SCHIP1: variants seen among roughly 807,000 people sequenced by gnomAD.
SCHIP1 encodes schwannomin-interacting protein 1.
In SCHIP1, 8 loss-of-function variants were observed where a neutral mutation model predicts 29.7. The observed-to-expected ratio is 0.27, with a 90% CI of 0.16 to 0.49. The LOEUF (loss-of-function observed/expected upper bound fraction) is 0.49, where lower values mean the gene tolerates loss of function less well. Among genes scored for constraint, SCHIP1 ranks in the 20% least tolerant of loss-of-function variants. The probability of loss-of-function intolerance (pLI) is 0.99; values close to 1 mark genes in which losing one functional copy is unlikely to be tolerated. For synonymous variants in SCHIP1, 76 were observed against 94.9 expected (o/e 0.80, Z 1.16); for missense variants, 193 against 294.6 (o/e 0.66, Z 2.52).
chr3:159,693,647 T>G, the SCHIP1 span, among the ~76,000 whole-genome samples: 28 of 152,186 alleles, frequency 1.8e-4, no homozygotes, highest in African/African-American at 6.5e-4. Context: ...TCCCTGATTG[T>G]GACTATAGGT....
the SCHIP1 span, among the ~76,000 whole-genome samples, chr3:159,439,338 C>T: frequency 6.6e-6 from 1 of 151,992 alleles, no homozygotes; most frequent in Non-Finnish European, 1.5e-5. Flanking sequence ...TGGCAGAAGG[C>T]AAAGGGAAAG....
the SCHIP1 span, among the ~76,000 whole-genome samples, chr3:159,276,845 C>A: frequency 6.6e-6 from 1 of 152,174 alleles, no homozygotes; most frequent in Non-Finnish European, 1.5e-5. Context: ...CATAAGTAAA[C>A]TTAAGTTGCA....
chr3:159,295,378 G>A, the SCHIP1 span, among the ~76,000 whole-genome samples: 9 of 151,586 alleles, frequency 5.9e-5, no homozygotes, highest in African/African-American at 4.8e-5. Flanking sequence ...GCAGTGAGCC[G>A]AGATCACGCC....
At chr3:159,278,132 T>C in the SCHIP1 span, among the ~76,000 whole-genome samples, 1 of 152,134 alleles carries the variant, frequency 6.6e-6, no homozygotes, top group Non-Finnish European at 1.5e-5. Context: ...CAGTGCAGTG[T>C]CATCTCATTT....
chr3:159,743,694 G>A, the SCHIP1 span, among the ~76,000 whole-genome samples: 2 of 152,292 alleles, frequency 1.3e-5, no homozygotes, highest in East Asian at 1.9e-4. Flanking sequence ...GAGAACTGGT[G>A]TGACCATGAA....
the SCHIP1 span, among the ~76,000 whole-genome samples, chr3:159,672,275 C>T: frequency 6.6e-6 from 1 of 152,176 alleles, no homozygotes; most frequent in African/African-American, 2.4e-5. Flanking sequence ...ATTCTTGGAA[C>T]ATAGTAAGCA....
chr3:159,692,051 T>A, the SCHIP1 span, among the ~76,000 whole-genome samples: 1 of 135,518 alleles, frequency 7.4e-6, no homozygotes, highest in African/African-American at 2.9e-5. Context: ...AGACGGAGTC[T>A]CGCTCTGTCG....
intron 1 of SCHIP1, among the ~76,000 whole-genome samples, chr3:159,854,187 A>C (rs1443903652): frequency 6.6e-6 from 1 of 152,234 alleles, no homozygotes; most frequent in Non-Finnish European, 1.5e-5. Context: ...GGGCCTGGAA[A>C]TGAAGACCTC....
the SCHIP1 span, among the ~76,000 whole-genome samples, chr3:159,289,178 A>T: frequency 6.6e-6 from 1 of 152,192 alleles, no homozygotes; most frequent in African/African-American, 2.4e-5. Context: ...TCCTACACTG[A>T]GTTCCCTGCC....
the SCHIP1 span, among the ~76,000 whole-genome samples, chr3:159,349,115 C>G: frequency 2.6e-5 from 4 of 152,098 alleles, no homozygotes; most frequent in African/African-American, 7.2e-5. Flanking sequence ...TGAATGCCAT[C>G]TTTTTTAGTG....
chr3:159,502,569 T>A, the SCHIP1 span, among the ~76,000 whole-genome samples: 1 of 152,154 alleles, frequency 6.6e-6, no homozygotes, highest in African/African-American at 2.4e-5. Flanking sequence ...TGTATACATG[T>A]GCCATGTTGG....
the SCHIP1 span, among the ~76,000 whole-genome samples, chr3:159,416,288 C>T: frequency 6.6e-6 from 1 of 152,160 alleles, no homozygotes; most frequent in African/African-American, 2.4e-5. Context: ...CATCTTAGGT[C>T]CTGGCTCCAC....
chr3:159,358,284 C>G, the SCHIP1 span, among the ~76,000 whole-genome samples: 1 of 152,176 alleles, frequency 6.6e-6, no homozygotes, highest in African/African-American at 2.4e-5. Flanking sequence ...GTAATCATTC[C>G]CAACCCGAGG....
the SCHIP1 span, among the ~76,000 whole-genome samples, chr3:159,514,005 T>G: frequency 2.0e-5 from 3 of 152,210 alleles, no homozygotes; most frequent in Non-Finnish European, 4.4e-5. Context: ...TTGATAGTAA[T>G]TCAGGTGCAA....
At chr3:159,425,965 G>A in the SCHIP1 span, among the ~76,000 whole-genome samples, 321 of 152,252 alleles carry the variant, frequency 2.1e-3, no homozygotes, top group African/African-American at 7.0e-3. Flanking sequence ...CGAAATGAAG[G>A]CAGAAATAAA....
the SCHIP1 span, among the ~76,000 whole-genome samples, chr3:159,651,378 A>C: frequency 6.6e-6 from 1 of 152,210 alleles, no homozygotes; most frequent in African/African-American, 2.4e-5. Flanking sequence ...AGGTAAATTT[A>C]GAAGTGTCCC....
At chr3:159,340,977 A>C in the SCHIP1 span, among the ~76,000 whole-genome samples, 1 of 152,146 alleles carries the variant, frequency 6.6e-6, no homozygotes, top group Non-Finnish European at 1.5e-5. Flanking sequence ...TTTTGAGGAT[A>C]TGATCAACTT....
At chr3:159,844,447 A>G (rs1262748578) in intron 1 of SCHIP1, among the ~76,000 whole-genome samples, 2 of 152,168 alleles carry the variant, frequency 1.3e-5, no homozygotes, top group Non-Finnish European at 2.9e-5. Flanking sequence ...ATCTTCATAT[A>G]CTTTTCTTCC....
the SCHIP1 span, among the ~76,000 whole-genome samples, chr3:159,391,652 T>C: frequency 6.6e-6 from 1 of 152,226 alleles, no homozygotes; most frequent in Non-Finnish European, 1.5e-5. Context: ...AATGAGCACA[T>C]AGAAAACATT....
Sources: gnomAD v4.1 joint callset for allele counts (sites outside exome capture counted in the v4.1 genomes callset) on GRCh38, gnomAD v4.1.1 for gene constraint, MANE v1.5 for transcripts, NCBI Gene and HGNC (gene_info 2026-07-23, HGNC 2026-07-21) for gene names.